The following PIP5K1C variants were observed in gnomAD, a reference collection of about 807,000 sequenced individuals.
PIP5K1C encodes the protein phosphatidylinositol 4-phosphate 5-kinase type-1 gamma.
Under a neutral mutation model 80.1 loss-of-function variants are expected in PIP5K1C, and 45 were observed. The observed-to-expected ratio is 0.56, with a 90% CI of 0.44 to 0.72. The LOEUF (loss-of-function observed/expected upper bound fraction) is 0.72, where lower values mean the gene tolerates loss of function less well. Ranked by LOEUF, PIP5K1C falls within the 30% of genes least tolerant of loss-of-function variation. The pLI is 0.00. For synonymous variants in PIP5K1C, 498 were observed against 420.1 expected, an observed-to-expected ratio of 1.19 and a Z score of -2.27; for missense variants, 753 against 954.6, an observed-to-expected ratio of 0.79 and a Z score of 2.78.
intron 1 of PIP5K1C, among the ~76,000 whole-genome samples, chr19:3,676,567 G>A (rs754827342): frequency 2.0e-4 from 30 of 152,194 alleles, no homozygotes; most frequent in Non-Finnish European, 3.8e-4. Context: ...ACTCCCCGAC[G>A]GCGCGTGGCC....
At chr19:3,684,665 A>C (rs929160531) in intron 1 of PIP5K1C, among the ~76,000 whole-genome samples, 14 of 152,246 alleles carry the variant, frequency 9.2e-5, no homozygotes, top group Non-Finnish European at 2.1e-4. Flanking sequence ...TGCAGCGTGA[A>C]GCCTCTCAGT....
Position 3,656,576 on chromosome 19 carries a change from G to A in PIP5K1C, c.469-19C>T, listed in dbSNP as rs373960932. On this transcript the variant is annotated intron_variant, in intron 5 of 17. Transcript: ENST00000335312. ...GGGAGTACTGGAAGCAGAGGAGGCG[G>A]GTCAGCGGGCCCCAAGCTGCCGGAC... is the stretch of plus-strand genomic sequence containing the variant. 39 of 1,612,670 alleles carry A rather than the reference G, an allele frequency of 2.4e-5. No homozygotes were observed. The highest frequency in any genetic ancestry group is 3.1e-5 in the Non-Finnish European group (36 of 1,179,852).
intron 10 of PIP5K1C, 96 bp from the exon 11 acceptor site, chr19:3,646,154 A>C: frequency 1.3e-6 from 1 of 773,402 alleles, no homozygotes; most frequent in Admixed American, 1.8e-5. Context: ...TGTGGGGGGC[A>C]CCTTCTGTGT....
chr19:3,694,443 C>A (rs888745232), intron 1 of PIP5K1C, among the ~76,000 whole-genome samples: 2 of 152,162 alleles, frequency 1.3e-5, no homozygotes, highest in Non-Finnish European at 2.9e-5. Flanking sequence ...GTCCTCGCCA[C>A]CCCAGCCACC....
At chr19:3,659,187 A>G (rs908340555) in intron 5 of PIP5K1C, among the ~76,000 whole-genome samples, 1 of 152,218 alleles carries the variant, frequency 6.6e-6, no homozygotes, top group African/African-American at 2.4e-5. Flanking sequence ...CCCTGTGGAC[A>G]GCAACACGCA....
At chr19:3,655,979 G>A (rs530752565) in intron 6 of PIP5K1C, among the ~76,000 whole-genome samples, 1 of 152,354 alleles carries the variant, frequency 6.6e-6, no homozygotes, top group African/African-American at 2.4e-5. Flanking sequence ...CTGGTCTTTT[G>A]TGGGGTACCA....
intron 1 of PIP5K1C, among the ~76,000 whole-genome samples, chr19:3,680,015 C>T (rs1337514855): frequency 6.6e-6 from 1 of 152,236 alleles, no homozygotes; most frequent in Non-Finnish European, 1.5e-5. Flanking sequence ...TGTGAGAACA[C>T]CCTGGCTACA....
At chr19:3,658,541 C>T (rs1044532616) in intron 5 of PIP5K1C, among the ~76,000 whole-genome samples, 6 of 152,254 alleles carry the variant, frequency 3.9e-5, no homozygotes, top group African/African-American at 7.2e-5. Context: ...CAGCGCAGAG[C>T]GAAGGCGGGT....
rs755854637 is a variant in PIP5K1C at position 3,638,968 on chromosome 19, A to C, written c.1836T>G (p.Thr612=). The C allele has an allele frequency of 7.4e-6, 12 of 1,612,014 alleles. No homozygotes were observed. Among genetic ancestry groups the C allele is most frequent in the Non-Finnish European group, 1.0e-5 (12 of 1,179,854 alleles). ...CCTCCTCGTCTGAGGCCTGGCTGGC[A>C]GTTTCTACTTCAACAGCAGCAGAGG... ...AGASAAVEVE[T]ASQASDEEGA... is the part of the protein sequence containing the mutation. Residue 612 remains threonine (T), a synonymous_variant, in exon 16 of 18, where the codon ACT becomes ACG. Coordinates refer to ENST00000335312, the MANE Select transcript of PIP5K1C (RefSeq NM_012398.3).
In PIP5K1C at chr19:3,688,584, C is replaced by T. The variant is rs552039018; in HGVS notation, c.94+11713G>A. Among the ~76,000 whole-genome samples, 23 of 151,862 alleles carry T rather than the reference C, an allele frequency of 1.5e-4. No homozygotes were observed. Among genetic ancestry groups the T allele is most frequent in the Non-Finnish European group, 2.9e-4 (20 of 67,988 alleles). On this transcript the variant is annotated intron_variant, in intron 1 of 17. Transcript: ENST00000335312. The surrounding 1 kb of genome is among the most constrained non-coding windows in gnomAD (Gnocchi z 5.3). ...CACTGAGAGCCGCGTGTGTTTTTTG[C>T]GGTTTTGCTGGTGATTCTGCTGCTG...
chr19:3,636,400 G>A (rs2033688123), intron 16 of PIP5K1C: 6 of 985,394 alleles, frequency 6.1e-6, no homozygotes, highest in Non-Finnish European at 6.0e-6. Flanking sequence ...CCACACTTCC[G>A]CTTCTGCTGT....
chr19:3,691,706 T>G (rs1036680925), intron 1 of PIP5K1C, among the ~76,000 whole-genome samples: 7 of 152,086 alleles, frequency 4.6e-5, no homozygotes, highest in African/African-American at 1.7e-4. Flanking sequence ...TTTAAACCAA[T>G]CAGAGTGCAT....
rs114485057 is a variant in PIP5K1C, at chr19:3,648,862, T to C, written c.1128-154A>G. On this transcript the variant is annotated intron_variant, in intron 8 of 17. Coordinates refer to ENST00000335312, the MANE Select transcript of PIP5K1C (RefSeq NM_012398.3). The surrounding 1 kb of genome is among the most constrained non-coding windows in gnomAD (Gnocchi z 4.3). ...GTGGGGCCTGGCACCCGGGAACCTCTGTCCTGACATCCCTCCATCACCCCC... is the reference window on the plus strand; with the variant it reads ...GTGGGGCCTGGCACCCGGGAACCTCCGTCCTGACATCCCTCCATCACCCCC... 6.6e-6 allele frequency among the ~76,000 whole-genome samples: 1 copy of C among 152,158 alleles called. No individual in the cohort carries two copies. The highest frequency in any genetic ancestry group is 2.4e-5 in the African/African-American group (1 of 41,490).
Position 3,696,975 on chromosome 19 carries a change from CGAGGAGGACTGAGCTGGACG to C in PIP5K1C, c.94+3302_94+3321del, listed in dbSNP as rs1245585428. On this transcript the variant is annotated intron_variant, in intron 1 of 17. Transcript: ENST00000335312. The surrounding 1 kb of genome is among the most constrained non-coding windows in gnomAD (Gnocchi z 4.1). Reference sequence around the variant, plus strand: ...GGGGCAAAGGAGGACTGAGCTGGACCGAGGAGGACTGAGCTGGACGGAGGAGGATCGAGCTGGACCGAGGA... The same window carrying C: ...GGGGCAAAGGAGGACTGAGCTGGACCGAGGAGGATCGAGCTGGACCGAGGA... Among the ~76,000 whole-genome samples the C allele has an allele frequency of 6.6e-6, 1 of 151,856 alleles. No individual in the cohort carries two copies. Among genetic ancestry groups the C allele is most frequent in the Non-Finnish European group, 1.5e-5 (1 of 67,912 alleles).
chr19:3,675,480 C>G (rs932935777), intron 1 of PIP5K1C, among the ~76,000 whole-genome samples: 3 of 152,156 alleles, frequency 2.0e-5, no homozygotes. Flanking sequence ...CTGAGTTCAA[C>G]CTTTCTTTTC....
chr19:3,700,374 G>A lies in PIP5K1C; in HGVS notation c.17C>T (p.Pro6Leu). 1.6e-6 allele frequency: 2 copies of A among 1,269,302 alleles called. No individual in the cohort carries two copies. The highest frequency in any genetic ancestry group is 2.0e-6 in the Non-Finnish European group (2 of 989,586). The allele number at this position is 1,269,302 out of a possible 1,614,324, so 78.6% of individuals were successfully genotyped here. The change falls in exon 1 of 18, where the codon CCG becomes CTG. Residue 6 changes from proline to leucine, a missense_variant. By Grantham distance (98) the Pro-to-Leu change is moderately conservative (BLOSUM62 -3). This residue lies in a region of PIP5K1C where 78 missense variants were observed against 67.1 expected (regional missense o/e 1.16). Coordinates refer to ENST00000335312, the MANE Select transcript of PIP5K1C (RefSeq NM_012398.3). Reference sequence around the variant, plus strand: ...CGCCTCAGCGCTCTCCGCCTCGTCCGGTACCTCCAGCTCCATGGCCGCGCG... The same window carrying A: ...CGCCTCAGCGCTCTCCGCCTCGTCCAGTACCTCCAGCTCCATGGCCGCGCG... MELEV[P>L]DEAESAEAGA...
intron 8 of PIP5K1C, among the ~76,000 whole-genome samples, chr19:3,651,292 G>A (rs2034439885): frequency 6.6e-6 from 1 of 152,108 alleles, no homozygotes; most frequent in African/African-American, 2.4e-5. Context: ...CGGGGCTGAG[G>A]CAATCCTCCC....
rs746768425 is a variant in PIP5K1C at position 3,648,557 on chromosome 19, C to CG, written c.1211+67dup. On this transcript the variant is annotated intron_variant, in intron 9 of 17. Coordinates refer to ENST00000335312, the MANE Select transcript of PIP5K1C (RefSeq NM_012398.3). This position sits in a 1 kb window ranked among gnomAD's most constrained non-coding sequence, Gnocchi z 4.3. ...GCGCCCACCTGTGGGGCTGCAGACC[C>CG]GGGCGCCCACCTGTGGGACTGCAGA... 2.9e-4 allele frequency: 327 copies of CG among 1,120,952 alleles called. 1 individual carries two copies. The African/African-American group carries it at 3.3e-3, about 11-fold the overall frequency. 69.4% of individuals were successfully genotyped at this position (1,120,952 alleles called of 1,614,324 possible). A position where few individuals can be genotyped will look rare whatever the true frequency, so the allele number is the denominator to read the frequency against.
intron 1 of PIP5K1C, among the ~76,000 whole-genome samples, chr19:3,691,980 T>G (rs1461097346): frequency 6.6e-6 from 1 of 152,136 alleles, no homozygotes; most frequent in African/African-American, 2.4e-5. Flanking sequence ...CTCTTTTCCC[T>G]GCCCCAGCAG....
Sources: allele counts gnomAD v4.1 joint callset (sites outside exome capture counted in the v4.1 genomes callset), GRCh38; gene constraint gnomAD v4.1.1; regional missense constraint gnomAD v4.1.1; non-coding constraint Gnocchi (gnomAD v3.1); transcripts MANE v1.5; gene names NCBI Gene and HGNC (gene_info 2026-07-23, HGNC 2026-07-21).